The following GPR108 variants were observed in gnomAD, a reference collection of about 807,000 sequenced individuals.
GPR108 encodes the protein G protein-coupled receptor 108.
GPR108 carries 60 observed loss-of-function variants against 74.3 expected under a neutral mutation model. That is an observed-to-expected ratio of 0.81 (90% CI 0.66 to 1.00). The LOEUF (loss-of-function observed/expected upper bound fraction) is 1.00. GPR108 is among the 50% of genes least tolerant of loss of function. The pLI is 0.00. For synonymous variants in GPR108, 311 were observed against 292.4 expected, an observed-to-expected ratio of 1.06 and a Z score of -0.65; for missense variants, 667 against 703.3, an observed-to-expected ratio of 0.95 and a Z score of 0.58.
intron 10 of GPR108, 170 bp from the exon 11 acceptor site, chr19:6,732,719 G>C: frequency 1.5e-6 from 1 of 677,970 alleles, no homozygotes; most frequent in Non-Finnish European, 2.6e-6. Context: ...TGAAAAAATG[G>C]AGGGAACAGT....
Position 6,731,583 on chromosome 19 carries a change from G to A in GPR108, c.1301-61C>T, listed in dbSNP as rs1420206776. Reference sequence around the variant, plus strand: ...CTGAGGGTGGGAGGGAGGGGAGGGGGCTGGGGGCTGGGAGAGGTGACAAAC... The same window carrying A: ...CTGAGGGTGGGAGGGAGGGGAGGGGACTGGGGGCTGGGAGAGGTGACAAAC... On this transcript the variant is annotated intron_variant, in intron 14 of 17. Transcript: ENST00000264080. 13 of 846,670 alleles carry A rather than the reference G, an allele frequency of 1.5e-5. No individual in the cohort carries two copies. The South Asian group carries it at 1.6e-4, about 11-fold the overall frequency. The allele number at this position is 846,670 out of a possible 1,614,324, so 52.4% of individuals were successfully genotyped here. A position where few individuals can be genotyped will look rare whatever the true frequency, so the allele number is the denominator to read the frequency against.
At chr19:6,731,825 G>A in intron 14 of GPR108, 66 bp downstream of exon 14, 1 of 1,575,234 alleles carries the variant, frequency 6.3e-7, no homozygotes, top group Non-Finnish European at 8.7e-7. Flanking sequence ...CATCCAAGGG[G>A]CAGAAAGAAG....
At position 6,731,120 on chromosome 19, in the gene GPR108, C is replaced by T. The variant is rs372914352; in HGVS notation, c.1435-9G>A. 3.9e-5 allele frequency: 63 copies of T among 1,612,696 alleles called. No individual in the cohort carries two copies. Among genetic ancestry groups the T allele is most frequent in the Non-Finnish European group, 4.7e-5 (56 of 1,179,684 alleles). On this transcript the variant is annotated splice_polypyrimidine_tract_variant and intron_variant, in intron 16 of 17. Coordinates refer to ENST00000264080, the MANE Select transcript of GPR108 (RefSeq NM_001080452.2). ...GAGCCCTCCACCAAGAGCTGGGGGACGGGGCGGAGTGGGGGCGTCAGGCGC... is the reference window on the plus strand; with the variant it reads ...GAGCCCTCCACCAAGAGCTGGGGGATGGGGCGGAGTGGGGGCGTCAGGCGC...
In GPR108 at chr19:6,734,029, G is replaced by A. The variant is rs1029863739; in HGVS notation, c.525C>T (p.Pro175=). ...CCTGAATCACTGCGGGTGTTGACTT[G>A]GGCTTGCTGGCTGCAGAGGTCCCTC... ...DGGGTSAASK[P]KSTPAVIQGP... is the part of the protein sequence containing the mutation. Residue 175 remains proline (P), a synonymous_variant, in exon 6 of 18, where the codon CCC becomes CCT. Coordinates refer to ENST00000264080, the MANE Select transcript of GPR108 (RefSeq NM_001080452.2). 9.3e-6 allele frequency: 15 copies of A among 1,614,076 alleles called. No individual in the cohort carries two copies. In the Admixed American group the frequency reaches 1.3e-4, roughly 14 times the overall value.
chr19:6,730,268 A>C lies in GPR108; in HGVS notation c.*44T>G. The C allele has an allele frequency of 6.4e-7, 1 of 1,555,074 alleles. No homozygotes were observed. The highest frequency in any genetic ancestry group is 1.1e-5 in the South Asian group (1 of 89,954). The stretch of plus-strand genomic sequence containing the variant: ...CTGTGGAAGAAGGGCAGGAGTGAGA[A>C]ATGCTGGGGGAGGACGACCCTTTGG... On this transcript the variant is annotated 3_prime_UTR_variant, in exon 18 of 18. Coordinates refer to ENST00000264080, the MANE Select transcript of GPR108 (RefSeq NM_001080452.2).
chr19:6,733,523 G>T, intron 8 of GPR108, 47 bp downstream of exon 8: 1 of 1,560,270 alleles, frequency 6.4e-7, no homozygotes, highest in South Asian at 1.1e-5. Flanking sequence ...GCCCGCAGTG[G>T]CCTGCAGGGG....
At chr19:6,735,823 G>A (rs1968612209) in intron 3 of GPR108, 85 bp downstream of exon 3, 1 of 1,527,830 alleles carries the variant, frequency 6.5e-7, no homozygotes, top group Admixed American at 1.8e-5. Context: ...CAAAGAACAG[G>A]GGCCCTTGGG....
chr19:6,736,484 G>A (rs1261195107), intron 2 of GPR108, 108 bp downstream of exon 2: 17 of 1,131,156 alleles, frequency 1.5e-5, no homozygotes, highest in Non-Finnish European at 2.1e-5. Context: ...CAGGCTCAGA[G>A]AGATGACGGG....
intron 2 of GPR108, 39 bp from the exon 3 acceptor site, chr19:6,735,997 A>C (rs1968620293): frequency 6.4e-7 from 1 of 1,564,438 alleles, no homozygotes; most frequent in African/African-American, 1.4e-5. Context: ...TGTGAGGGAC[A>C]GTAGAGACCT....
chr19:6,734,310 G>A lies in GPR108; in HGVS notation c.375-3C>T, dbSNP rs1477750953. On this transcript the variant is annotated splice_polypyrimidine_tract_variant and splice_region_variant and intron_variant, in intron 4 of 17. Transcript: ENST00000264080. ...CTCCATACTTCCGCACCTGGACCCT[G>A]GGGTGAGGGTGGGGTGGGGCATGAG... is the stretch of plus-strand genomic sequence containing the variant. The A allele has an allele frequency of 6.2e-7, 1 of 1,612,736 alleles. No homozygotes were observed. Among genetic ancestry groups the A allele is most frequent in the Non-Finnish European group, 8.5e-7 (1 of 1,179,750 alleles).
chr19:6,735,145 G>C (rs1968582214), intron 4 of GPR108, among the ~76,000 whole-genome samples: 1 of 152,146 alleles, frequency 6.6e-6, no homozygotes, highest in Non-Finnish European at 1.5e-5. Flanking sequence ...TTTTGCCTCG[G>C]CCTCCCAAAT....
chr19:6,736,271 C>T (rs1027479632), intron 2 of GPR108, among the ~76,000 whole-genome samples: 1 of 152,250 alleles, frequency 6.6e-6, no homozygotes, highest in East Asian at 1.9e-4. Context: ...ATTTTAAAAA[C>T]TTTTTGTAGA....
chr19:6,731,275 C>G lies in GPR108; in HGVS notation c.1358G>C (p.Cys453Ser). Residue 453 changes from cysteine (C) to serine (S), a missense_variant, in exon 16 of 18, where the codon TGC becomes TCC. Physicochemically the swap from Cys to Ser is moderately radical, Grantham distance 112. Coordinates refer to ENST00000264080, the MANE Select transcript of GPR108 (RefSeq NM_001080452.2). ...GATGATGCGGGTGAAGTAGACGTAG[C>G]AGATGACCTGCAGGGGCGCGAGCAG... ...LFRHYYVMVI[C>S]YVYFTRIIAI... is the part of the protein sequence containing the mutation. 1.3e-6 allele frequency: 2 copies of G among 1,548,950 alleles called. No individual in the cohort carries two copies. The highest frequency in any genetic ancestry group is 1.7e-6 in the Non-Finnish European group (2 of 1,144,950).
Position 6,730,620 on chromosome 19 carries a change from T to A in GPR108, c.1560-236A>T, listed in dbSNP as rs12981348. The A allele has an allele frequency of 5.6e-6, 3 of 536,992 alleles. No individual in the cohort carries two copies. The African/African-American group carries it at 6.6e-5, about 12-fold the overall frequency. 33.3% of individuals were successfully genotyped at this position (536,992 alleles called of 1,614,324 possible). A position where few individuals can be genotyped will look rare whatever the true frequency, so the allele number is the denominator to read the frequency against. ...CCAGCAGCCCTGGCCCCACCCACTC[T>A]ACCCGTAACCACTCAGGCCCCGCCC... On this transcript the variant is annotated intron_variant, in intron 17 of 17. Transcript: ENST00000264080.
chr19:6,730,464 C>CG, intron 17 of GPR108, 80 bp from the exon 18 acceptor site: 1 of 1,189,432 alleles, frequency 8.4e-7, no homozygotes, highest in Non-Finnish European at 1.2e-6. Context: ...ACTCAGGCCC[C>CG]GCCCCACTCC....
chr19:6,732,592 G>T, intron 10 of GPR108, 43 bp from the exon 11 acceptor site: 5 of 1,474,862 alleles, frequency 3.4e-6, no homozygotes, highest in South Asian at 1.1e-5. Context: ...GCACAGAGGG[G>T]TGGGAGGCTG....
chr19:6,735,065 G>A (rs749041850), intron 4 of GPR108, among the ~76,000 whole-genome samples: 4 of 150,556 alleles, frequency 2.7e-5, no homozygotes, highest in Admixed American at 2.6e-4. Context: ...ACATTTTTTG[G>A]TTTTTTAGTA....
Position 6,731,640 on chromosome 19 carries a change from A to C in GPR108, c.1301-118T>G. ...TCTGAGGGAGTGTCCAGGAGCAGCA[A>C]GTCTCGAGGGGACATTAGGTGGGGC... is the stretch of plus-strand genomic sequence containing the variant. On this transcript the variant is annotated intron_variant, in intron 14 of 17. Transcript: ENST00000264080. 8 of 947,686 alleles carry C rather than the reference A, an allele frequency of 8.4e-6. No homozygotes were observed. The South Asian group carries it at 1.2e-4, about 14-fold the overall frequency. 58.7% of individuals were successfully genotyped at this position (947,686 alleles called of 1,614,324 possible).
Position 6,733,886 on chromosome 19 carries a change from C to T in GPR108, c.577G>A (p.Val193Met), listed in dbSNP as rs1332376893. The change falls in exon 7 of 18, where the codon GTG (valine) becomes ATG (methionine). Residue 193 changes from valine to methionine, a missense_variant. Physicochemically the swap from Val to Met is conservative, Grantham distance 21. Coordinates refer to ENST00000264080, the MANE Select transcript of GPR108 (RefSeq NM_001080452.2). ...TTGTTGAGGTGGCTCAGGCCCAACA[C>T]CAGGTCCTTGTCCTTCCCACTAGGA... is the stretch of plus-strand genomic sequence containing the variant. ...QGPSGKDKDL[V>M]LGLSHLNNSY... The T allele has an allele frequency of 6.2e-7, 1 of 1,614,192 alleles. No homozygotes were observed. Among genetic ancestry groups the T allele is most frequent in the South Asian group, 1.1e-5 (1 of 91,090 alleles).
Sources: allele counts gnomAD v4.1 joint callset (sites outside exome capture counted in the v4.1 genomes callset), GRCh38; gene constraint gnomAD v4.1.1; transcripts MANE v1.5; gene names NCBI Gene and HGNC (gene_info 2026-07-23, HGNC 2026-07-21).